Variants in RBFOX1 observed in about 807,000 individuals in gnomAD.
RBFOX1 encodes RNA binding protein fox-1 homolog 1.
In RBFOX1, 8 loss-of-function variants were observed where a neutral mutation model predicts 57.7. The ratio of observed to expected loss-of-function variants is 0.14; its 90% CI spans 0.08 to 0.25. The LOEUF (loss-of-function observed/expected upper bound fraction) is 0.25, where lower values mean the gene tolerates loss of function less well. RBFOX1 is among the 10% of genes least tolerant of loss of function. The pLI is 1.00. For missense variants in RBFOX1, 611 were observed against 548.5 expected, an observed-to-expected ratio of 1.11 and a Z score of -1.14; for synonymous variants, 326 against 222.4, an observed-to-expected ratio of 1.47 and a Z score of -4.15.
chr16:6,633,437 C>G (rs1413220686), intron 2 of RBFOX1, among the ~76,000 whole-genome samples: 2 of 152,056 alleles, frequency 1.3e-5, no homozygotes, highest in Non-Finnish European at 2.9e-5. Context: ...ACTACCACAC[C>G]TGGCTGATTT....
intron 4 of RBFOX1, among the ~76,000 whole-genome samples, chr16:6,013,629 G>A (rs2094975048): frequency 6.6e-6 from 1 of 152,208 alleles, no homozygotes; most frequent in South Asian, 2.1e-4. Flanking sequence ...AGCCAGCTCT[G>A]TGAGGTTGGG....
chr16:7,067,300 A>G (rs555286192), intron 4 of RBFOX1, among the ~76,000 whole-genome samples: 1 of 84,184 alleles, frequency 1.2e-5, no homozygotes, highest in Admixed American at 1.1e-4. Context: ...GGCCCTAACA[A>G]ATTACCACAA....
At chr16:5,990,318 C>G (rs1384513244) in intron 4 of RBFOX1, among the ~76,000 whole-genome samples, 1 of 152,170 alleles carries the variant, frequency 6.6e-6, no homozygotes, top group African/African-American at 2.4e-5. Context: ...AAGATTTCCA[C>G]TGGCCGTAAT....
intron 3 of RBFOX1, among the ~76,000 whole-genome samples, chr16:5,784,408 C>T (rs867080410): frequency 6.7e-5 from 10 of 149,934 alleles, no homozygotes; most frequent in African/African-American, 2.2e-4. Flanking sequence ...GCCTGGGCGA[C>T]AGAGCGAGAG....
intron 4 of RBFOX1, among the ~76,000 whole-genome samples, chr16:7,259,121 C>T (rs1245090416): frequency 6.6e-6 from 1 of 152,194 alleles, no homozygotes; most frequent in East Asian, 1.9e-4. Context: ...GGTTGACCAT[C>T]TCCATCAATC....
At chr16:5,728,942 G>T (rs1596999089) in intron 3 of RBFOX1, among the ~76,000 whole-genome samples, 1 of 152,304 alleles carries the variant, frequency 6.6e-6, no homozygotes, top group African/African-American at 2.4e-5. Flanking sequence ...AACTGATAGT[G>T]ACAAACAGTG....
chr16:6,681,546 T>C (rs1436600555), intron 3 of RBFOX1, among the ~76,000 whole-genome samples: 3 of 152,234 alleles, frequency 2.0e-5, no homozygotes, highest in Admixed American at 6.5e-5. Context: ...CTCCAAACTT[T>C]AGTCAGTTGA....
intron 4 of RBFOX1, among the ~76,000 whole-genome samples, chr16:7,181,653 C>G (rs1433838165): frequency 6.6e-6 from 1 of 152,046 alleles, no homozygotes; most frequent in Non-Finnish European, 1.5e-5. Context: ...ACCTCTGCCT[C>G]CCAGGTCCAA....
intron 3 of RBFOX1, among the ~76,000 whole-genome samples, chr16:6,789,038 C>T (rs1477343717): frequency 6.6e-6 from 1 of 152,112 alleles, no homozygotes; most frequent in African/African-American, 2.4e-5. Flanking sequence ...GGTTCTCCTG[C>T]TGTATAGAAA....
chr16:5,825,639 G>A (rs1016021221), intron 3 of RBFOX1, among the ~76,000 whole-genome samples: 13 of 152,132 alleles, frequency 8.5e-5, no homozygotes, highest in East Asian at 1.9e-4. Flanking sequence ...CGTTGACAGC[G>A]TTGTACAGCC....
At chr16:6,193,410 A>ATATATATATAG (rs1567651594) in intron 1 of RBFOX1, among the ~76,000 whole-genome samples, 3 of 93,416 alleles carry the variant, frequency 3.2e-5, no homozygotes, top group Non-Finnish European at 7.0e-5. Context: ...ATATATATAT[A>ATATATATATAG]TATATATATA....
intron 4 of RBFOX1, among the ~76,000 whole-genome samples, chr16:7,159,444 A>G (rs2077827395): frequency 6.6e-6 from 1 of 152,170 alleles, no homozygotes. Flanking sequence ...TCTAGAGATC[A>G]GTATCCAGGA....
chr16:6,307,295 A>G (rs2079627488), intron 1 of RBFOX1, among the ~76,000 whole-genome samples: 1 of 152,114 alleles, frequency 6.6e-6, no homozygotes, highest in African/African-American at 2.4e-5. Context: ...AGGCAGGAGA[A>G]TGGTGTGAAC....
intron 3 of RBFOX1, among the ~76,000 whole-genome samples, chr16:6,938,896 C>A (rs757196384): frequency 6.6e-6 from 1 of 152,142 alleles, no homozygotes; most frequent in Non-Finnish European, 1.5e-5. Context: ...TGCACCACTG[C>A]ACTCCAGCCT....
At chr16:5,661,908 C>T (rs747348269) in intron 3 of RBFOX1, among the ~76,000 whole-genome samples, 13 of 152,072 alleles carry the variant, frequency 8.5e-5, no homozygotes, top group Admixed American at 8.5e-4. Flanking sequence ...GCTGCAGCTG[C>T]CCGAGTCGCT....
intron 2 of RBFOX1, among the ~76,000 whole-genome samples, chr16:6,613,003 A>ATGTGTGTGTGTGTGTGTG (rs57236292): frequency 7.0e-6 from 1 of 143,160 alleles, no homozygotes; most frequent in African/African-American, 2.6e-5. Context: ...CAGTCCCAGC[A>ATGTGTGTGTGTGTGTGTG]TGTGTGTGTG....
chr16:6,770,415 T>C (rs186707882), intron 3 of RBFOX1, among the ~76,000 whole-genome samples: 198 of 152,278 alleles, frequency 1.3e-3, no homozygotes, highest in African/African-American at 4.5e-3. Context: ...TGTAATAAAG[T>C]TGTATTATGT....
intron 4 of RBFOX1, among the ~76,000 whole-genome samples, chr16:7,101,985 G>C (rs1459731912): frequency 2.0e-5 from 3 of 152,166 alleles, no homozygotes; most frequent in African/African-American, 4.8e-5. Flanking sequence ...TATCCATCCA[G>C]AGACAAGGGT....
intron 4 of RBFOX1, among the ~76,000 whole-genome samples, chr16:7,327,338 A>G (rs1281674614): frequency 6.6e-6 from 1 of 152,222 alleles, no homozygotes; most frequent in Non-Finnish European, 1.5e-5. Flanking sequence ...AAAACGGAAA[A>G]TTTGTATCGG....
Sources: gnomAD v4.1 joint callset for allele counts (sites outside exome capture counted in the v4.1 genomes callset) on GRCh38, gnomAD v4.1.1 for gene constraint, MANE v1.5 for transcripts, NCBI Gene and HGNC (gene_info 2026-07-23, HGNC 2026-07-21) for gene names.